The following TUBB8B variants were observed in gnomAD, a reference collection of about 807,000 sequenced individuals.
The protein encoded by TUBB8B is HSA18p11 beta-tubulin 4Q pseudogene.
TUBB8B carries 26 observed loss-of-function variants against 31.9 expected under a neutral mutation model. The observed-to-expected ratio is 0.81, with a 90% CI of 0.60 to 1.13. The LOEUF (loss-of-function observed/expected upper bound fraction) is 1.13. TUBB8B is among the 50% of genes most tolerant of loss of function. The pLI is 0.00. For missense variants in TUBB8B, 467 were observed against 586.7 expected, an observed-to-expected ratio of 0.80 and a Z score of 2.11; for synonymous variants, 173 against 231.0, an observed-to-expected ratio of 0.75 and a Z score of 2.28.
At chr18:62,618 T>A in the TUBB8B span, among the ~76,000 whole-genome samples, 1 of 151,606 alleles carries the variant, frequency 6.6e-6, no homozygotes, top group Non-Finnish European at 1.5e-5. Flanking sequence ...AAATGGTGTT[T>A]CACTGTGTTA....
the TUBB8B span, among the ~76,000 whole-genome samples, chr18:71,569 T>TTA: frequency 2.3e-4 from 13 of 57,644 alleles, no homozygotes; most frequent in African/African-American, 6.0e-4. Flanking sequence ...AAAAAAAATT[T>TTA]AAAAAAAAAA....
the TUBB8B span, among the ~76,000 whole-genome samples, chr18:57,025 G>A: frequency 7.9e-5 from 12 of 151,838 alleles, no homozygotes; most frequent in South Asian, 1.3e-3. Flanking sequence ...TGGAAATCCT[G>A]CCCTCATGAT....
At chr18:54,560 C>A (rs1270887642), upstream of TUBB8B, among the ~76,000 whole-genome samples, 1 of 151,860 alleles carries the variant, frequency 6.6e-6, no homozygotes, top group Non-Finnish European at 1.5e-5. Flanking sequence ...CTCTGGTAAC[C>A]ACCCTTATAC....
the TUBB8B span, among the ~76,000 whole-genome samples, chr18:61,450 GTTA>G: frequency 6.6e-6 from 1 of 151,442 alleles, no homozygotes; most frequent in Non-Finnish European, 1.5e-5. Context: ...TACATTCAAT[GTTA>G]TTATTGATAA....
At position 47,666 on chromosome 18, in the gene TUBB8B, G is replaced by A. The variant is rs763497146; in HGVS notation, c.1059C>T (p.Val353=). The part of the protein sequence containing the change: ...DWFPDNVKTA[V]CDIPPRGLKM... The stretch of plus-strand genomic sequence containing the variant: ...TTAGCCCCCGGGGTGGGATGTCACA[G>A]ACGGCTGTTTTTACGTTGTCGGGGA... The change falls in exon 4 of 4, where the codon GTC becomes GTT. Residue 353 remains valine (V), a synonymous_variant. Coordinates refer to ENST00000308911, the MANE Select transcript of TUBB8B (RefSeq NM_001358689.2). 5 of 1,612,502 alleles carry A rather than the reference G, an allele frequency of 3.1e-6. No homozygotes were observed. The highest frequency in any genetic ancestry group is 4.2e-6 in the Non-Finnish European group (5 of 1,179,462).
the TUBB8B span, chr18:73,442 G>A: frequency 6.2e-6 from 1 of 161,818 alleles, no homozygotes. Context: ...AGGAGAGGAA[G>A]CTCCGTCCTC....
Position 49,516 on chromosome 18 carries a change from G to C in TUBB8B, c.42C>G (p.Asn14Lys), listed in dbSNP as rs188417265. The C allele has an allele frequency of 1.7e-3, 1,626 of 952,652 alleles. 24 individuals carry two copies. In the African/African-American group the frequency reaches 0.024, roughly 14 times the overall value. The allele number at this position is 952,652 out of a possible 1,614,324, so 59.0% of individuals were successfully genotyped here. The change falls in exon 1 of 4, where the codon AAC becomes AAG. Residue 14 changes from asparagine to lysine, a missense_variant. By Grantham distance (94) the Asn-to-Lys change is moderately conservative. Coordinates refer to ENST00000308911, the MANE Select transcript of TUBB8B (RefSeq NM_001358689.2). ...GGCTGCCAACCTTGGCGCCGATCTGGTTCCCGCACTGCCCGGTCTGCGTGA... is the reference window on the plus strand; with the variant it reads ...GGCTGCCAACCTTGGCGCCGATCTGCTTCCCGCACTGCCCGGTCTGCGTGA... ...IVLTQTGQCG[N>K]QIGAKFWEVI...
chr18:51,133 T>C, upstream of TUBB8B, among the ~76,000 whole-genome samples: 1 of 151,132 alleles, frequency 6.6e-6, no homozygotes. Flanking sequence ...GATTATCTTG[T>C]GCTAATAATA....
chr18:54,765 C>T, the TUBB8B span, among the ~76,000 whole-genome samples: 2 of 151,964 alleles, frequency 1.3e-5, 1 homozygote, highest in Non-Finnish European at 2.9e-5. Flanking sequence ...CACATTTTCT[C>T]TATCCAGTCA....
Position 48,557 on chromosome 18 carries a change from G to A in TUBB8B, c.278-110C>T, listed in dbSNP as rs542311459. 2.0e-4 allele frequency: 166 copies of A among 840,566 alleles called. 3 individuals are homozygous for A. The highest frequency in any genetic ancestry group is 1.4e-3 in the African/African-American group (83 of 59,672). The allele number at this position is 840,566 out of a possible 1,614,324, so 52.1% of individuals were successfully genotyped here. ...CACATGTGAGGTGAAAGCACCATTC[G>A]CCCTGCAGGTGGAGCAAATGAAACT... On this transcript the variant is annotated intron_variant, in intron 3 of 3. Coordinates refer to ENST00000308911, the MANE Select transcript of TUBB8B (RefSeq NM_001358689.2).
At chr18:60,830 A>C in the TUBB8B span, among the ~76,000 whole-genome samples, 1 of 151,666 alleles carries the variant, frequency 6.6e-6, no homozygotes, top group Non-Finnish European at 1.5e-5. Flanking sequence ...AAAATGCTTG[A>C]TATTACTTCA....
the TUBB8B span, among the ~76,000 whole-genome samples, chr18:56,826 G>A: frequency 2.6e-5 from 4 of 151,996 alleles, no homozygotes; most frequent in Non-Finnish European, 5.9e-5. Flanking sequence ...AGAAAGCATA[G>A]CACTGGCTTC....
At chr18:48,666 G>A (rs1322126417) in intron 3 of TUBB8B, 83 of 658,026 alleles carry the variant, frequency 1.3e-4, no homozygotes, top group Non-Finnish European at 2.1e-4. Flanking sequence ...CACAGACCTC[G>A]CTGCAGGTGG....
the TUBB8B span, among the ~76,000 whole-genome samples, chr18:58,617 A>T: frequency 6.6e-6 from 1 of 151,774 alleles, no homozygotes; most frequent in Non-Finnish European, 1.5e-5. Context: ...ATTCAAAGTT[A>T]AGAAAATCTC....
At chr18:52,169 A>T (rs544628119), upstream of TUBB8B, among the ~76,000 whole-genome samples, 4 of 152,068 alleles carry the variant, frequency 2.6e-5, no homozygotes, top group South Asian at 8.3e-4. Context: ...TGCCAACTAG[A>T]AAAGTGGTAG....
chr18:50,457 G>A (rs145410985), upstream of TUBB8B: 2 of 153,042 alleles, frequency 1.3e-5, no homozygotes, highest in South Asian at 4.1e-4. Context: ...GGTTTAACTG[G>A]AGAAGGAGAA....
chr18:59,090 C>G, the TUBB8B span, among the ~76,000 whole-genome samples: 4 of 151,834 alleles, frequency 2.6e-5, no homozygotes. Flanking sequence ...TAATCCACCC[C>G]AATGGTTAAA....
chr18:71,837 C>T, the TUBB8B span, among the ~76,000 whole-genome samples: 4 of 151,950 alleles, frequency 2.6e-5, no homozygotes, highest in African/African-American at 7.2e-5. Flanking sequence ...GAGCTGAGAT[C>T]GCGCCACTGC....
intron 3 of TUBB8B, chr18:48,709 C>T (rs1273622980): frequency 2.9e-6 from 2 of 678,720 alleles, no homozygotes; most frequent in East Asian, 2.7e-5. Context: ...GCAGTAGCCA[C>T]GGCCCCAGCT....
Sources: allele counts gnomAD v4.1 joint callset (sites outside exome capture counted in the v4.1 genomes callset), GRCh38; gene constraint gnomAD v4.1.1; transcripts MANE v1.5; gene names NCBI Gene and HGNC (gene_info 2026-07-23, HGNC 2026-07-21).